The following FAM193B variants were observed in gnomAD, a reference collection of about 807,000 sequenced individuals.
FAM193B encodes family with sequence similarity 193 member B, also known as protein FAM193B.
FAM193B carries 27 observed loss-of-function variants against 70.7 expected under a neutral mutation model. The ratio of observed to expected loss-of-function variants is 0.38; its 90% CI spans 0.28 to 0.53. The LOEUF (loss-of-function observed/expected upper bound fraction) is 0.53. Among genes scored for constraint, FAM193B ranks in the 20% least tolerant of loss-of-function variants. The pLI is 0.81. For missense variants in FAM193B, 1,022 were observed against 1,072.5 expected, an observed-to-expected ratio of 0.95 and a Z score of 0.66; for synonymous variants, 448 against 436.0, an observed-to-expected ratio of 1.03 and a Z score of -0.34.
intron 1 of FAM193B, among the ~76,000 whole-genome samples, chr5:177,543,996 A>G (rs925596795): frequency 1.3e-5 from 2 of 152,250 alleles, no homozygotes; most frequent in African/African-American, 2.4e-5. Context: ...GTTCCTGCTC[A>G]CCTCAGTTTA....
intron 4 of FAM193B, among the ~76,000 whole-genome samples, chr5:177,534,652 C>T (rs776234317): frequency 6.6e-6 from 1 of 152,048 alleles, no homozygotes; most frequent in Non-Finnish European, 1.5e-5. Flanking sequence ...ACTTTGTTGC[C>T]TAGGCTAGAG....
At chr5:177,537,753 A>G in intron 3 of FAM193B, 120 bp downstream of exon 3, 1 of 1,390,962 alleles carries the variant, frequency 7.2e-7, no homozygotes. Context: ...TTCCACCAGA[A>G]CAGTTCCACT....
At chr5:177,522,399 T>C (rs970134895) in intron 7 of FAM193B, among the ~76,000 whole-genome samples, 1 of 152,204 alleles carries the variant, frequency 6.6e-6, no homozygotes, top group African/African-American at 2.4e-5. Context: ...GGGGATTAGT[T>C]ACCCAGATAC....
intron 1 of FAM193B, chr5:177,553,882 C>A: frequency 8.1e-7 from 1 of 1,240,416 alleles, no homozygotes. Context: ...CCCGAGATGG[C>A]CTGTGGCTGA....
chr5:177,554,514 C>T lies in FAM193B; in HGVS notation c.-56G>A. 1.1e-6 allele frequency: 1 copy of T among 903,640 alleles called. No homozygotes were observed. Among genetic ancestry groups the T allele is most frequent in the Non-Finnish European group, 1.3e-6 (1 of 752,450 alleles). 56.0% of individuals were successfully genotyped at this position (903,640 alleles called of 1,614,324 possible). On this transcript the variant is annotated 5_prime_UTR_variant, in exon 1 of 9. Transcript: ENST00000514747. ...ACGCCGCCGCCGCCGCCGCCGCCGCCGCCGCCGCCGCCGCCGCTACCGCTC... is the reference window on the plus strand; with the variant it reads ...ACGCCGCCGCCGCCGCCGCCGCCGCTGCCGCCGCCGCCGCCGCTACCGCTC...
chr5:177,529,156 G>A (rs1040028601), intron 5 of FAM193B, among the ~76,000 whole-genome samples: 5 of 151,892 alleles, frequency 3.3e-5, no homozygotes, highest in African/African-American at 1.2e-4. Flanking sequence ...AGCCAGGGGT[G>A]CAGTTTTTAA....
rs1362260892 is a variant in FAM193B, at chr5:177,554,267, G to C, written c.192C>G (p.Asn64Lys). 2.7e-5 allele frequency: 40 copies of C among 1,476,470 alleles called. No individual in the cohort carries two copies. Among genetic ancestry groups the C allele is most frequent in the Non-Finnish European group, 3.3e-5 (37 of 1,117,234 alleles). 91.5% of individuals were successfully genotyped at this position (1,476,470 alleles called of 1,614,324 possible). Residue 64 changes from asparagine to lysine, a missense_variant, in exon 1 of 9, where the codon AAC (asparagine) becomes AAG (lysine). By Grantham distance (94) the Asn-to-Lys change is moderately conservative. Transcript: ENST00000514747. ...HDGPREDDEP[N>K]LVPGPQVPPA... Reference sequence around the variant, plus strand: ...CTCCTACCTGCGGGCCGGGCACCAGGTTGGGTTCGTCATCCTCCCTGGGGC... The same window carrying C: ...CTCCTACCTGCGGGCCGGGCACCAGCTTGGGTTCGTCATCCTCCCTGGGGC...
At chr5:177,531,535 G>A (rs1464086698) in intron 5 of FAM193B, 1 of 1,280,292 alleles carries the variant, frequency 7.8e-7, no homozygotes, top group Non-Finnish European at 1.0e-6. Context: ...GGGGTGGGGG[G>A]GAGGTGCTGA....
chr5:177,520,513 G>A (rs1020823659), intron 8 of FAM193B, among the ~76,000 whole-genome samples: 2 of 152,200 alleles, frequency 1.3e-5, no homozygotes, highest in African/African-American at 2.4e-5. Flanking sequence ...TGCACAGCCC[G>A]GGGGAGGGTG....
At chr5:177,539,675 C>T (rs1764614028) in intron 1 of FAM193B, among the ~76,000 whole-genome samples, 1 of 152,230 alleles carries the variant, frequency 6.6e-6, no homozygotes, top group African/African-American at 2.4e-5. Flanking sequence ...GTTTGTACAG[C>T]TAGTCAGAAA....
Position 177,538,002 on chromosome 5 carries a change from G to T in FAM193B, c.559C>A (p.Pro187Thr). ...GGATCCCAGTCTCCCGAGTTCCCAG[G>T]GCAGGAAGAGGAGGACGAGGATGAG... ...SSSSSSSSSC[P>T]GNSGDWDPSS... The change falls in exon 3 of 9, where the codon CCT (proline) becomes ACT (threonine). Residue 187 changes from proline (P) to threonine (T), a missense_variant. Coordinates refer to ENST00000514747, the MANE Select transcript of FAM193B (RefSeq NM_001190946.3). The surrounding 1 kb of genome is among the most constrained non-coding windows in gnomAD (Gnocchi z 4.1). The T allele has an allele frequency of 6.4e-7, 1 of 1,558,028 alleles. No homozygotes were observed. The highest frequency in any genetic ancestry group is 8.7e-7 in the Non-Finnish European group (1 of 1,150,554).
rs1291000632 is a variant in FAM193B at position 177,554,510 on chromosome 5, C to T, written c.-52G>A. The T allele has an allele frequency of 3.4e-6, 3 of 890,560 alleles. No homozygotes were observed. The highest frequency in any genetic ancestry group is 4.0e-6 in the Non-Finnish European group (3 of 741,198). The allele number at this position is 890,560 out of a possible 1,614,324, so 55.2% of individuals were successfully genotyped here. A position where few individuals can be genotyped will look rare whatever the true frequency, so the allele number is the denominator to read the frequency against. On this transcript the variant is annotated 5_prime_UTR_variant, in exon 1 of 9. Coordinates refer to ENST00000514747, the MANE Select transcript of FAM193B (RefSeq NM_001190946.3). The stretch of plus-strand genomic sequence containing the variant: ...CCACACGCCGCCGCCGCCGCCGCCG[C>T]CGCCGCCGCCGCCGCCGCCGCTACC...
chr5:177,524,404 T>C lies in FAM193B; in HGVS notation c.2077A>G (p.Ser693Gly), dbSNP rs912955166. The change falls in exon 6 of 9, where the codon AGC becomes GGC. Residue 693 changes from serine (S) to glycine (G), a missense_variant. Transcript: ENST00000514747. Reference sequence around the variant, plus strand: ...CCTGGTCCTGGCCGGCTCCCCCGGCTCCCCTCTCCAGCCTCAGCACAGCTG... The same window carrying C: ...CCTGGTCCTGGCCGGCTCCCCCGGCCCCCCTCTCCAGCCTCAGCACAGCTG... ...VGSCAEAGEG[S>G]RGSRPGPGWA... 1.3e-6 allele frequency: 2 copies of C among 1,581,836 alleles called. No individual in the cohort carries two copies. Among genetic ancestry groups the C allele is most frequent in the East Asian group, 2.3e-5 (1 of 43,838 alleles).
In FAM193B at chr5:177,524,445, T is replaced by C; in HGVS notation, c.2036A>G (p.Glu679Gly). Residue 679 changes from glutamate to glycine, a missense_variant, in exon 6 of 9, where the codon GAG becomes GGG. Glu to Gly is a moderately conservative substitution (Grantham distance 98). Transcript: ENST00000514747. The part of the protein sequence containing the change: ...AGPKQPGRVL[E>G]LPKVGSCAEA... ...AGCACAGCTGCCTACTTTGGGAAGC[T>C]CTAGGACCCTGCCTGGCTGCTTGGG... is the stretch of plus-strand genomic sequence containing the variant. 2 of 1,609,478 alleles carry C rather than the reference T, an allele frequency of 1.2e-6. No individual in the cohort carries two copies. Among genetic ancestry groups the C allele is most frequent in the Non-Finnish European group, 1.7e-6 (2 of 1,178,064 alleles).
Position 177,538,881 on chromosome 5 carries a change from G to C in FAM193B, c.453+24C>G. The C allele has an allele frequency of 5.0e-6, 8 of 1,611,784 alleles. No individual in the cohort carries two copies. The highest frequency in any genetic ancestry group is 5.9e-6 in the Non-Finnish European group (7 of 1,178,264). On this transcript the variant is annotated intron_variant, in intron 2 of 8. Transcript: ENST00000514747. This position sits in a 1 kb window ranked among gnomAD's most constrained non-coding sequence, Gnocchi z 4.1. ...TGGGGAGGAGCCCTCCTGCATTCAG[G>C]GACCCCTGTCAGCGGTTACCTACCG...
In FAM193B at chr5:177,532,043, G is replaced by C. The variant is rs887064385; in HGVS notation, c.1275+400C>G. 1 of 1,293,154 alleles carries C rather than the reference G, an allele frequency of 7.7e-7. No individual in the cohort carries two copies. Among genetic ancestry groups the C allele is most frequent in the Non-Finnish European group, 1.0e-6 (1 of 991,564 alleles). The allele number at this position is 1,293,154 out of a possible 1,614,324, so 80.1% of individuals were successfully genotyped here. On this transcript the variant is annotated intron_variant, in intron 5 of 8. Coordinates refer to ENST00000514747, the MANE Select transcript of FAM193B (RefSeq NM_001190946.3). The surrounding 1 kb of genome is among the most constrained non-coding windows in gnomAD (Gnocchi z 4.9). Reference sequence around the variant, plus strand: ...CCTTCCTGGCGCCGTCTGTGCTCACGGCCTGTCCCTCGGCTGGCTGTCACA... The same window carrying C: ...CCTTCCTGGCGCCGTCTGTGCTCACCGCCTGTCCCTCGGCTGGCTGTCACA...
chr5:177,553,873 C>T, intron 1 of FAM193B: 1 of 1,250,282 alleles, frequency 8.0e-7, no homozygotes, highest in Non-Finnish European at 1.0e-6. Flanking sequence ...TCCCAGAGCC[C>T]CGAGATGGCC....
At chr5:177,531,717 A>C (rs1763492418) in intron 5 of FAM193B, 1 of 619,570 alleles carries the variant, frequency 1.6e-6, no homozygotes, top group Admixed American at 3.8e-5. Context: ...AGGAGGGAAC[A>C]GGGCAGAGCT....
chr5:177,531,938 C>CCCTCT, intron 5 of FAM193B: 2 of 1,258,492 alleles, frequency 1.6e-6, no homozygotes, highest in Non-Finnish European at 2.1e-6. Context: ...TAACCAGCGG[C>CCCTCT]CCTCTCCTCT....
Sources: allele counts gnomAD v4.1 joint callset (sites outside exome capture counted in the v4.1 genomes callset), GRCh38; gene constraint gnomAD v4.1.1; non-coding constraint Gnocchi (gnomAD v3.1); transcripts MANE v1.5; gene names NCBI Gene and HGNC (gene_info 2026-07-23, HGNC 2026-07-21).